The following GLIS3 variants were observed in gnomAD, a reference collection of about 807,000 sequenced individuals.
The protein encoded by GLIS3 is GLIS family zinc finger 3.
A neutral mutation model predicts 78.6 loss-of-function variants in GLIS3; 53 were observed. That is an observed-to-expected ratio of 0.67 (90% CI 0.54 to 0.85). The LOEUF (loss-of-function observed/expected upper bound fraction) is 0.85. GLIS3 is among the 40% of genes least tolerant of loss of function. The probability of loss-of-function intolerance (pLI) is 0.00; values close to 1 mark genes in which losing one functional copy is unlikely to be tolerated. For synonymous variants in GLIS3, 684 were observed against 509.9 expected (o/e 1.34, Z -4.60); for missense variants, 1,703 against 1,231.1 (o/e 1.38, Z -5.74).
intron 2 of GLIS3, among the ~76,000 whole-genome samples, chr9:4,177,975 G>A (rs189724316): frequency 3.3e-4 from 50 of 152,342 alleles, no homozygotes; most frequent in Admixed American, 1.6e-3. Flanking sequence ...TCTTCCAGCT[G>A]AAACTGAGTG....
intron 2 of GLIS3, among the ~76,000 whole-genome samples, chr9:4,247,629 G>C (rs1823920149): frequency 6.6e-6 from 1 of 151,876 alleles, no homozygotes; most frequent in Non-Finnish European, 1.5e-5. Flanking sequence ...TTTACCATTT[G>C]GGGAAAGATA....
intron 4 of GLIS3, among the ~76,000 whole-genome samples, chr9:4,065,252 C>A (rs1042708920): frequency 2.0e-5 from 3 of 152,160 alleles, no homozygotes; most frequent in East Asian, 1.9e-4. Context: ...CTCCACAGAG[C>A]CCTGCTGTGC....
At chr9:3,862,082 A>C (rs974899426) in intron 8 of GLIS3, among the ~76,000 whole-genome samples, 1 of 152,188 alleles carries the variant, frequency 6.6e-6, no homozygotes, top group Non-Finnish European at 1.5e-5. Flanking sequence ...TCCTGAGTCC[A>C]CAAATTCATA....
At chr9:4,145,570 C>A (rs1400752820) in intron 2 of GLIS3, among the ~76,000 whole-genome samples, 1 of 152,144 alleles carries the variant, frequency 6.6e-6, no homozygotes, top group Non-Finnish European at 1.5e-5. Flanking sequence ...TAATAACATT[C>A]AAAAAGCCCA....
the GLIS3 span, among the ~76,000 whole-genome samples, chr9:4,405,255 G>A: frequency 6.6e-6 from 1 of 152,062 alleles, no homozygotes; most frequent in Non-Finnish European, 1.5e-5. Flanking sequence ...TCAGGAGGCT[G>A]AGGCAGGAGA....
chr9:4,006,471 A>G (rs1821561569), intron 4 of GLIS3, among the ~76,000 whole-genome samples: 1 of 152,192 alleles, frequency 6.6e-6, no homozygotes, highest in Non-Finnish European at 1.5e-5. Flanking sequence ...TCGTGCCCCG[A>G]GCACATCACT....
chr9:4,180,240 T>G (rs1299225921), intron 2 of GLIS3, among the ~76,000 whole-genome samples: 4 of 152,018 alleles, frequency 2.6e-5, no homozygotes, highest in Non-Finnish European at 4.4e-5. Context: ...TATGGGACAG[T>G]TTCCCACCGG....
chr9:4,080,463 A>C (rs1828460568), intron 4 of GLIS3, among the ~76,000 whole-genome samples: 1 of 152,208 alleles, frequency 6.6e-6, no homozygotes, highest in African/African-American at 2.4e-5. Context: ...AATTATCAAA[A>C]TTTTAAATAA....
At chr9:4,323,595 CAG>C (rs1817566354) in intron 2 of GLIS3, among the ~76,000 whole-genome samples, 1 of 152,210 alleles carries the variant, frequency 6.6e-6, no homozygotes, top group African/African-American at 2.4e-5. Context: ...ATCATTTCCT[CAG>C]GAGATATTTT....
chr9:4,312,434 C>T (rs1198107802), intron 2 of GLIS3, among the ~76,000 whole-genome samples: 2 of 152,208 alleles, frequency 1.3e-5, no homozygotes, highest in Non-Finnish European at 2.9e-5. Context: ...CACCACTTCA[C>T]TCCAGCCTGG....
chr9:4,307,376 G>A (rs995554466), intron 4 of GLIS3, among the ~76,000 whole-genome samples: 2 of 152,078 alleles, frequency 1.3e-5, no homozygotes, highest in African/African-American at 2.4e-5. Context: ...CGACGCTACC[G>A]TGATACTGAA....
intron 2 of GLIS3, among the ~76,000 whole-genome samples, chr9:4,154,735 T>C (rs1464958876): frequency 5.3e-5 from 8 of 152,204 alleles, no homozygotes; most frequent in Admixed American, 3.9e-4. Flanking sequence ...ATATGTTATA[T>C]AAACCTTTGG....
intron 2 of GLIS3, among the ~76,000 whole-genome samples, chr9:4,266,169 C>T (rs917516026): frequency 5.3e-5 from 8 of 151,844 alleles, no homozygotes; most frequent in African/African-American, 1.9e-4. Flanking sequence ...CCGCCTGCCT[C>T]AGCCTCCCAA....
chr9:4,173,561 T>TACAC (rs34572625), intron 2 of GLIS3, among the ~76,000 whole-genome samples: 30 of 146,530 alleles, frequency 2.0e-4, no homozygotes, highest in African/African-American at 7.6e-4. Context: ...TGTGTATAGA[T>TACAC]ACACACACAC....
At chr9:4,449,309 T>C in the GLIS3 span, among the ~76,000 whole-genome samples, 44 of 152,212 alleles carry the variant, frequency 2.9e-4, 1 homozygote, top group Middle Eastern at 0.02. Flanking sequence ...GTAAAGAAAG[T>C]GGCCAGGGAA....
chr9:4,062,759 C>G (rs1339345723), intron 4 of GLIS3, among the ~76,000 whole-genome samples: 1 of 152,078 alleles, frequency 6.6e-6, no homozygotes, highest in Non-Finnish European at 1.5e-5. Context: ...AACCCCATCT[C>G]TACTAAAAAT....
chr9:3,942,583 C>T (rs1588279906), intron 4 of GLIS3, among the ~76,000 whole-genome samples: 2 of 152,204 alleles, frequency 1.3e-5, no homozygotes, highest in African/African-American at 4.8e-5. Context: ...CAAAGGGCCA[C>T]CTTACACACT....
the GLIS3 span, among the ~76,000 whole-genome samples, chr9:4,375,880 G>C: frequency 6.6e-6 from 1 of 152,092 alleles, no homozygotes; most frequent in Non-Finnish European, 1.5e-5. Flanking sequence ...CTTTGGAATA[G>C]TACAAAGATC....
chr9:4,240,452 C>T (rs1015374877), intron 2 of GLIS3, among the ~76,000 whole-genome samples: 1 of 152,050 alleles, frequency 6.6e-6, no homozygotes, highest in African/African-American at 2.4e-5. Context: ...AGTTCGCGGT[C>T]TGGGGATTGG....
Sources: gnomAD v4.1 joint callset for allele counts (sites outside exome capture counted in the v4.1 genomes callset) on GRCh38, gnomAD v4.1.1 for gene constraint, MANE v1.5 for transcripts, NCBI Gene and HGNC (gene_info 2026-07-23, HGNC 2026-07-21) for gene names.